Variants in KIF2A observed in about 807,000 individuals in gnomAD.
The protein encoded by KIF2A is kinesin family member 2A.
Under a neutral mutation model 100.2 loss-of-function variants are expected in KIF2A, and 22 were observed. That is an observed-to-expected ratio of 0.22 (90% CI 0.16 to 0.31). The LOEUF is 0.31. Among genes scored for constraint, KIF2A ranks in the 10% least tolerant of loss-of-function variants. The pLI, the probability that KIF2A is intolerant of heterozygous loss-of-function variation, is 1.00. For missense variants in KIF2A, 495 were observed against 898.7 expected (o/e 0.55, Z 5.74); for synonymous variants, 268 against 285.9 (o/e 0.94, Z 0.63).
At chr5:62,342,746 T>C (rs1747358937) in intron 1 of KIF2A, among the ~76,000 whole-genome samples, 1 of 151,022 alleles carries the variant, frequency 6.6e-6, no homozygotes, top group African/African-American at 2.5e-5. Flanking sequence ...TTATTTTTTA[T>C]TTTAATCTTA....
chr5:62,316,281 G>A (rs1231408255), intron 1 of KIF2A, among the ~76,000 whole-genome samples: 1 of 152,184 alleles, frequency 6.6e-6, no homozygotes, highest in African/African-American at 2.4e-5. Flanking sequence ...TTCTTGGAAC[G>A]GAATGAGAAG....
At position 62,366,475 on chromosome 5, in the gene KIF2A, C is replaced by A; in HGVS notation, c.1640C>A (p.Ala547Glu). The A allele has an allele frequency of 6.5e-7, 1 of 1,546,046 alleles. No homozygotes were observed. The highest frequency in any genetic ancestry group is 8.9e-7 in the Non-Finnish European group (1 of 1,128,942). The change falls in exon 16 of 21, where the codon GCA (alanine) becomes GAA (glutamate). Residue 547 changes from alanine to glutamate, a missense_variant. By Grantham distance (107) the Ala-to-Glu change is moderately radical (BLOSUM62 -1). This residue lies in a region of KIF2A where 100 missense variants were observed against 138.2 expected (regional missense o/e 0.72). Transcript: ENST00000407818. The stretch of plus-strand genomic sequence containing the variant: ...AATACTCTTAATACATTAAGATATG[C>A]AAATAGGTATGAGAGATAGTTCTCC... ...CENTLNTLRY[A>E]NRVKEFGISP... is the part of the protein sequence containing the mutation.
At chr5:62,380,697 T>TTAAGAAAA (rs1418041803) in intron 19 of KIF2A, among the ~76,000 whole-genome samples, 22 of 152,294 alleles carry the variant, frequency 1.4e-4, no homozygotes, top group Admixed American at 9.2e-4. Flanking sequence ...GAAAATGGTA[T>TTAAGAAAA]TAAGAAAATC....
chr5:62,364,437 C>T (rs1740969971), intron 14 of KIF2A, among the ~76,000 whole-genome samples: 1 of 152,160 alleles, frequency 6.6e-6, no homozygotes, highest in African/African-American at 2.4e-5. Flanking sequence ...TGAGCCACCG[C>T]GCCCGGCCCA....
chr5:62,385,411 T>C, intron 20 of KIF2A, 73 bp from the exon 21 acceptor site: 1 of 1,007,518 alleles, frequency 9.9e-7, no homozygotes, highest in Non-Finnish European at 1.5e-6. Context: ...CTGACTTGAT[T>C]GAACCCATAA....
chr5:62,355,478 G>A (rs974366536), intron 7 of KIF2A, among the ~76,000 whole-genome samples: 6 of 151,974 alleles, frequency 3.9e-5, no homozygotes, highest in South Asian at 2.1e-4. Context: ...TGTCCTTCTC[G>A]AAGCAAAACC....
At chr5:62,338,556 C>G (rs1747102203) in intron 1 of KIF2A, among the ~76,000 whole-genome samples, 1 of 152,112 alleles carries the variant, frequency 6.6e-6, no homozygotes, top group Non-Finnish European at 1.5e-5. Context: ...TCCCACAGTG[C>G]TGGGATTACA....
At chr5:62,343,032 G>A (rs1301574233) in intron 1 of KIF2A, among the ~76,000 whole-genome samples, 1 of 152,096 alleles carries the variant, frequency 6.6e-6, no homozygotes, top group Admixed American at 6.6e-5. Context: ...GATTACAGGC[G>A]TGAGCCACCG....
intron 1 of KIF2A, among the ~76,000 whole-genome samples, chr5:62,314,758 GTTTT>G (rs34987605): frequency 5.0e-5 from 5 of 100,890 alleles, no homozygotes; most frequent in Non-Finnish European, 9.3e-5. Context: ...AGAATGAACT[GTTTT>G]TTTTTTTTTT....
At chr5:62,308,113 T>C (rs1745401016) in intron 1 of KIF2A, among the ~76,000 whole-genome samples, 1 of 152,208 alleles carries the variant, frequency 6.6e-6, no homozygotes, top group Admixed American at 6.5e-5. Context: ...TCCGTTATAT[T>C]TGAAGTAATT....
Position 62,388,944 on chromosome 5 carries a change from C to A in KIF2A, c.*3375C>A. 1 of 1,477,284 alleles carries A rather than the reference C, an allele frequency of 6.8e-7. No homozygotes were observed. Among genetic ancestry groups the A allele is most frequent in the South Asian group, 1.2e-5 (1 of 85,444 alleles). 91.5% of individuals were successfully genotyped at this position (1,477,284 alleles called of 1,614,324 possible). ...CTCAGTAAAGCAAAAGCATTATCTTCTCAAATACAAAAAATACAAAATTCA... is the reference window on the plus strand; with the variant it reads ...CTCAGTAAAGCAAAAGCATTATCTTATCAAATACAAAAAATACAAAATTCA... On this transcript the variant is annotated 3_prime_UTR_variant, in exon 21 of 21. Coordinates refer to ENST00000407818, the MANE Select transcript of KIF2A (RefSeq NM_001098511.3).
rs768400061 is a variant in KIF2A at position 62,388,819 on chromosome 5, A to G, written c.*3250A>G. 5.2e-5 allele frequency: 32 copies of G among 610,664 alleles called. No individual in the cohort carries two copies. The highest frequency in any genetic ancestry group is 8.8e-5 in the Non-Finnish European group (30 of 341,978). 37.8% of individuals were successfully genotyped at this position (610,664 alleles called of 1,614,324 possible). A position where few individuals can be genotyped will look rare whatever the true frequency, so the allele number is the denominator to read the frequency against. On this transcript the variant is annotated 3_prime_UTR_variant, in exon 21 of 21. Coordinates refer to ENST00000407818, the MANE Select transcript of KIF2A (RefSeq NM_001098511.3). ...ATAGATTGGACCAGCATTATATATT[A>G]AAAACTTTGATACTTAGAACTTTCC...
intron 20 of KIF2A, among the ~76,000 whole-genome samples, chr5:62,385,210 T>A (rs1469458268): frequency 1.3e-5 from 2 of 151,404 alleles, no homozygotes; most frequent in East Asian, 3.9e-4. Flanking sequence ...GGAATTCCAA[T>A]AAATTAAAAC....
At position 62,351,315 on chromosome 5, in the gene KIF2A, A is replaced by G. The variant is rs187117929; in HGVS notation, c.334+1195A>G. Among the ~76,000 whole-genome samples, 228 of 152,252 alleles carry G rather than the reference A, an allele frequency of 1.5e-3. 1 individual carries two copies. Among genetic ancestry groups the G allele is most frequent in the African/African-American group, 5.2e-3 (214 of 41,548 alleles). ...TGAAATGCAATTTTTAATTCATCTTATTTACTAAATAATTTTGCAAATTCG... is the reference window on the plus strand; with the variant it reads ...TGAAATGCAATTTTTAATTCATCTTGTTTACTAAATAATTTTGCAAATTCG... On this transcript the variant is annotated intron_variant, in intron 4 of 20. Coordinates refer to ENST00000407818, the MANE Select transcript of KIF2A (RefSeq NM_001098511.3).
chr5:62,383,584 G>A (rs1349551499), intron 20 of KIF2A, among the ~76,000 whole-genome samples: 1 of 152,152 alleles, frequency 6.6e-6, no homozygotes, highest in Non-Finnish European at 1.5e-5. Flanking sequence ...ACACATATAT[G>A]TTGCTGACTG....
At chr5:62,382,930 C>CT (rs34083254) in intron 20 of KIF2A, among the ~76,000 whole-genome samples, 35,204 of 128,158 alleles carry the variant, frequency 0.27, 4,756 homozygotes, top group Middle Eastern at 0.35. Context: ...CCTGGCTTTG[C>CT]TTTTTTTTTT....
At chr5:62,339,628 CAT>C (rs1355208646) in intron 1 of KIF2A, among the ~76,000 whole-genome samples, 4 of 150,370 alleles carry the variant, frequency 2.7e-5, no homozygotes, top group East Asian at 3.9e-4. Flanking sequence ...ATAGCAGAAA[CAT>C]AAAAACAACT....
In KIF2A at chr5:62,315,889, G is replaced by C. The variant is rs192144503; in HGVS notation, c.64+9353G>C. ...ATGATTAAGGAACAGATGATATGCA[G>C]AACACACAGCAAGAAGAATTGATGT... On this transcript the variant is annotated intron_variant, in intron 1 of 20. Transcript: ENST00000407818. Among the ~76,000 whole-genome samples the C allele has an allele frequency of 5.3e-5, 8 of 152,288 alleles. No individual in the cohort carries two copies. The East Asian group carries it at 1.5e-3, about 29-fold the overall frequency.
At chr5:62,309,236 C>A (rs3822485) in intron 1 of KIF2A, among the ~76,000 whole-genome samples, 77,842 of 152,026 alleles carry the variant, frequency 0.51, 20,872 homozygotes, top group South Asian at 0.65. Flanking sequence ...CCCAGACATA[C>A]AAGAGCTTTG....
Sources: gnomAD v4.1 joint callset for allele counts (sites outside exome capture counted in the v4.1 genomes callset) on GRCh38, gnomAD v4.1.1 for gene constraint, gnomAD v4.1.1 regional missense constraint, MANE v1.5 for transcripts, NCBI Gene and HGNC (gene_info 2026-07-23, HGNC 2026-07-21) for gene names.